Variants in CERS6 observed in about 807,000 individuals in gnomAD.
The protein encoded by CERS6 is LAG1 homolog, ceramide synthase 6.
Under a neutral mutation model 56.8 loss-of-function variants are expected in CERS6, and 26 were observed. The observed-to-expected ratio is 0.46, with a 90% CI of 0.34 to 0.63. The LOEUF is 0.63. Among genes scored for constraint, CERS6 ranks in the 30% least tolerant of loss-of-function variants. CERS6 has a pLI of 0.01. For synonymous variants in CERS6, 164 were observed against 173.3 expected (o/e 0.95, Z 0.42); for missense variants, 415 against 467.5 (o/e 0.89, Z 1.04).
intron 3 of CERS6, among the ~76,000 whole-genome samples, chr2:168,625,416 C>T (rs1172199365): frequency 5.3e-5 from 8 of 152,072 alleles, no homozygotes; most frequent in East Asian, 1.9e-4. Context: ...ATAAATTATT[C>T]GATCTATTGT....
At chr2:168,547,452 T>C in intron 1 of CERS6, 144 bp from the exon 2 acceptor site, 1 of 634,458 alleles carries the variant, frequency 1.6e-6, no homozygotes, top group Non-Finnish European at 2.8e-6. Context: ...TTACAGTTAC[T>C]GACAGGAGTG....
intron 1 of CERS6, among the ~76,000 whole-genome samples, chr2:168,532,581 G>A (rs13393173): frequency 0.16 from 24,508 of 151,748 alleles, 2,545 homozygotes; most frequent in Non-Finnish European, 0.23. Context: ...GAAGAGCCCC[G>A]TGGAGTTAGC....
rs369699507 is a variant in CERS6 at position 168,561,298 on chromosome 2, C to T, written c.383C>T (p.Thr128Met). Reference sequence around the variant, plus strand: ...AGACGCAATCAGGAGAAGCCAAGCACGCTGACGAGGTTCTGTGAGAGCATG... The same window carrying T: ...AGACGCAATCAGGAGAAGCCAAGCATGCTGACGAGGTTCTGTGAGAGCATG... The part of the protein sequence containing the change: ...RQRRNQEKPS[T>M]LTRFCESMWR... Residue 128 changes from threonine (T) to methionine (M), a missense_variant, in exon 3 of 10, where the codon ACG becomes ATG. Thr to Met is a moderately conservative substitution (Grantham distance 81). Coordinates refer to ENST00000305747, the MANE Select transcript of CERS6 (RefSeq NM_203463.3). 22 of 1,613,996 alleles carry T rather than the reference C, an allele frequency of 1.4e-5. No individual in the cohort carries two copies. Among genetic ancestry groups the T allele is most frequent in the Middle Eastern group, 1.6e-4 (1 of 6,082 alleles).
At chr2:168,758,603 C>T (rs953660187) in intron 8 of CERS6, among the ~76,000 whole-genome samples, 11 of 152,134 alleles carry the variant, frequency 7.2e-5, no homozygotes, top group African/African-American at 2.7e-4. Flanking sequence ...ATCACCTGGG[C>T]CATTGTTATC....
chr2:168,602,219 A>G (rs928211240), intron 3 of CERS6, among the ~76,000 whole-genome samples: 5 of 152,132 alleles, frequency 3.3e-5, no homozygotes, highest in Non-Finnish European at 5.9e-5. Flanking sequence ...GATTTTCAGT[A>G]TTTTTTTCAG....
chr2:168,644,200 G>A lies in CERS6; in HGVS notation c.465+13158G>A, dbSNP rs940380614. 16 of 937,720 alleles carry A rather than the reference G, an allele frequency of 1.7e-5. No individual in the cohort carries two copies. The African/African-American group carries it at 2.7e-4, about 16-fold the overall frequency. 58.1% of individuals were successfully genotyped at this position (937,720 alleles called of 1,614,324 possible). On this transcript the variant is annotated intron_variant, in intron 4 of 9. Coordinates refer to ENST00000305747, the MANE Select transcript of CERS6 (RefSeq NM_203463.3). ...AAAATAGATGTCTAGGATTACAGAA[G>A]GGGGAGGGAGGATTTCAGATAGGGT...
intron 4 of CERS6, chr2:168,644,459 C>A: frequency 1.8e-6 from 1 of 564,604 alleles, no homozygotes; most frequent in Non-Finnish European, 2.2e-6. Flanking sequence ...GTAGGGAAAG[C>A]ATAAAGAAAT....
intron 3 of CERS6, among the ~76,000 whole-genome samples, chr2:168,614,155 T>C (rs1486612670): frequency 6.6e-6 from 1 of 152,140 alleles, no homozygotes; most frequent in Non-Finnish European, 1.5e-5. Context: ...AAATACAAAT[T>C]ATTGGTCAGA....
intron 1 of CERS6, among the ~76,000 whole-genome samples, chr2:168,476,901 A>G (rs796636421): frequency 1.8e-4 from 28 of 152,220 alleles, no homozygotes; most frequent in African/African-American, 6.7e-4. Flanking sequence ...ACATACCCCA[A>G]AATAATGCTT....
Position 168,657,699 on chromosome 2 carries a change from G to GC in CERS6, c.465+26660dup, listed in dbSNP as rs1359972507. 9.2e-5 allele frequency among the ~76,000 whole-genome samples: 14 copies of GC among 152,346 alleles called. No individual in the cohort carries two copies. The East Asian group carries it at 2.7e-3, about 29-fold the overall frequency. ...TGGCCCGGGTGCTAAGTCCCCCATT[G>GC]CCCGGGGCCAGCAGGGCAGGCTGGC... On this transcript the variant is annotated intron_variant, in intron 4 of 9. Transcript: ENST00000305747.
chr2:168,704,608 T>C (rs1050796895), intron 6 of CERS6, among the ~76,000 whole-genome samples: 2 of 152,034 alleles, frequency 1.3e-5, no homozygotes, highest in South Asian at 2.1e-4. Flanking sequence ...CTTTGTTCTT[T>C]TTGTTTGTTT....
chr2:168,720,507 C>T (rs561485098), intron 8 of CERS6, among the ~76,000 whole-genome samples: 7 of 152,204 alleles, frequency 4.6e-5, no homozygotes, highest in East Asian at 1.9e-4. Flanking sequence ...CTGTTTGCTG[C>T]GTCCGTACGA....
chr2:168,746,807 A>G (rs1329908981), intron 8 of CERS6, among the ~76,000 whole-genome samples: 7 of 116,284 alleles, frequency 6.0e-5, no homozygotes, highest in African/African-American at 2.0e-4. Flanking sequence ...ATATATATAT[A>G]TATATATATA....
chr2:168,622,064 A>G (rs1334961043), intron 3 of CERS6, among the ~76,000 whole-genome samples: 2 of 152,216 alleles, frequency 1.3e-5, no homozygotes, highest in African/African-American at 4.8e-5. Context: ...TAACAAGCAC[A>G]GAGACTAATA....
intron 3 of CERS6, among the ~76,000 whole-genome samples, chr2:168,624,532 C>T (rs1427816138): frequency 6.6e-6 from 1 of 152,036 alleles, no homozygotes; most frequent in Non-Finnish European, 1.5e-5. Context: ...ATGTAAGACT[C>T]TTGTGATGGT....
intron 1 of CERS6, among the ~76,000 whole-genome samples, chr2:168,505,398 A>AAG (rs965987800): frequency 1.3e-5 from 2 of 150,070 alleles, no homozygotes; most frequent in Non-Finnish European, 3.0e-5. Flanking sequence ...AAAAAAAAAA[A>AAG]AAAGAAAAAA....
intron 4 of CERS6, among the ~76,000 whole-genome samples, chr2:168,670,644 A>G (rs975340541): frequency 2.2e-4 from 33 of 152,164 alleles, no homozygotes; most frequent in African/African-American, 7.2e-4. Flanking sequence ...GAAAGTTACA[A>G]TGATAGTGAT....
chr2:168,465,529 A>G (rs985935338), intron 1 of CERS6, among the ~76,000 whole-genome samples: 1 of 152,258 alleles, frequency 6.6e-6, no homozygotes, highest in East Asian at 1.9e-4. Flanking sequence ...CATTCAGACC[A>G]TAGCAACATA....
chr2:168,519,133 A>C (rs1694934899), intron 1 of CERS6, among the ~76,000 whole-genome samples: 1 of 152,182 alleles, frequency 6.6e-6, no homozygotes, highest in African/African-American at 2.4e-5. Flanking sequence ...TTGAACAGTA[A>C]TTTTATGTAC....
Sources: allele counts gnomAD v4.1 joint callset (sites outside exome capture counted in the v4.1 genomes callset), GRCh38; gene constraint gnomAD v4.1.1; transcripts MANE v1.5; gene names NCBI Gene and HGNC (gene_info 2026-07-23, HGNC 2026-07-21).